Variants in ANO3 observed in about 807,000 individuals in gnomAD.
ANO3 encodes the protein anoctamin 3, also known as anoctamin-3.
A neutral mutation model predicts 144.8 loss-of-function variants in ANO3; 99 were observed. The observed-to-expected ratio is 0.68, with a 90% confidence interval of 0.58 to 0.81. The LOEUF (loss-of-function observed/expected upper bound fraction) is 0.81, where lower values mean the gene tolerates loss of function less well. ANO3 is among the 30% of genes least tolerant of loss of function. The probability of loss-of-function intolerance (pLI) is 0.00; values close to 1 mark genes in which losing one functional copy is unlikely to be tolerated. For missense variants in ANO3, 905 were observed against 1,202.2 expected (o/e 0.75, Z 3.66); for synonymous variants, 414 against 392.6 (o/e 1.05, Z -0.64).
chr11:26,554,569 T>C (rs1271740864), intron 13 of ANO3, among the ~76,000 whole-genome samples: 1 of 152,148 alleles, frequency 6.6e-6, no homozygotes, highest in East Asian at 1.9e-4. Context: ...GAATTCCAGT[T>C]TTCTGTGTAG....
At chr11:26,229,163 T>C (rs1852331185) in intron 1 of ANO3, among the ~76,000 whole-genome samples, 1 of 152,198 alleles carries the variant, frequency 6.6e-6, no homozygotes, top group Non-Finnish European at 1.5e-5. Context: ...ACATTTCTGA[T>C]AAGTCACTTC....
intron 1 of ANO3, among the ~76,000 whole-genome samples, chr11:26,194,488 A>ATTAT (rs1196375918): frequency 2.2e-3 from 51 of 23,480 alleles, no homozygotes; most frequent in South Asian, 2.8e-3. Context: ...GTGTGTGTGT[A>ATTAT]TTATTTATTT....
chr11:26,249,153 G>C (rs1852868337), intron 1 of ANO3, among the ~76,000 whole-genome samples: 1 of 152,140 alleles, frequency 6.6e-6, no homozygotes, highest in Non-Finnish European at 1.5e-5. Flanking sequence ...TTTTGTAATG[G>C]AGACTGATTG....
intron 18 of ANO3, among the ~76,000 whole-genome samples, chr11:26,628,937 A>C (rs1043615186): frequency 2.6e-5 from 4 of 152,164 alleles, no homozygotes; most frequent in African/African-American, 9.7e-5. Context: ...TTACATGTCA[A>C]CTGGCTTCCA....
intron 1 of ANO3, among the ~76,000 whole-genome samples, chr11:26,339,403 C>G (rs898401128): frequency 6.6e-6 from 1 of 152,172 alleles, no homozygotes; most frequent in Non-Finnish European, 1.5e-5. Flanking sequence ...ATCCGCCTGC[C>G]TGGGCTTCCC....
intron 13 of ANO3, chr11:26,559,052 T>G (rs893196212): frequency 6.6e-6 from 1 of 152,194 alleles, no homozygotes; most frequent in Non-Finnish European, 1.5e-5. Flanking sequence ...TTATACTTTA[T>G]TAAAATCAAA....
At position 26,349,710 on chromosome 11, in the gene ANO3, G is replaced by A. The variant is rs188024478; in HGVS notation, c.46+17389G>A. 1.5e-4 allele frequency among the ~76,000 whole-genome samples: 23 copies of A among 152,018 alleles called. No individual in the cohort carries two copies. In the East Asian group the frequency reaches 4.1e-3, roughly 27 times the overall value. On this transcript the variant is annotated intron_variant, in intron 1 of 26. Coordinates refer to ENST00000256737, the MANE Select transcript of ANO3 (RefSeq NM_031418.4). The stretch of plus-strand genomic sequence containing the variant: ...ACCTCAGGCGCCCGCCACCGAGCCC[G>A]GCTAATTTTTTGTATTTTTAGTAGA...
chr11:26,380,623 T>A (rs1238902210), intron 1 of ANO3, among the ~76,000 whole-genome samples: 1 of 152,166 alleles, frequency 6.6e-6, no homozygotes, highest in Non-Finnish European at 1.5e-5. Context: ...TACATCTTAA[T>A]ACCATTGCCT....
intron 1 of ANO3, among the ~76,000 whole-genome samples, chr11:26,202,227 A>G (rs1370693235): frequency 6.9e-6 from 1 of 145,272 alleles, no homozygotes; most frequent in Non-Finnish European, 1.5e-5. Flanking sequence ...TTCCTTTTAT[A>G]TTTATATATA....
At chr11:26,466,634 C>CAG in intron 4 of ANO3, among the ~76,000 whole-genome samples, 1 of 151,966 alleles carries the variant, frequency 6.6e-6, no homozygotes, top group East Asian at 2.0e-4. Flanking sequence ...CCAAATGAGG[C>CAG]AGAGAGAGAT....
At chr11:26,407,070 G>GTATATATA (rs202060948) in intron 1 of ANO3, among the ~76,000 whole-genome samples, 2,108 of 101,144 alleles carry the variant, frequency 0.021, 29 homozygotes, top group Admixed American at 0.033. Context: ...GTGTGTGTGT[G>GTATATATA]TGTGTGTATA....
At chr11:26,259,162 G>A (rs1381267591) in intron 1 of ANO3, among the ~76,000 whole-genome samples, 1 of 152,100 alleles carries the variant, frequency 6.6e-6, no homozygotes, top group Non-Finnish European at 1.5e-5. Context: ...ATTTTATATG[G>A]CTCTTGAGGG....
At chr11:26,490,488 A>G (rs1860660665) in intron 4 of ANO3, among the ~76,000 whole-genome samples, 1 of 152,242 alleles carries the variant, frequency 6.6e-6, no homozygotes. Context: ...TTTGTGGTAT[A>G]AACTGTGCTT....
chr11:26,281,537 C>T (rs1459572150), intron 1 of ANO3, among the ~76,000 whole-genome samples: 2 of 152,120 alleles, frequency 1.3e-5, no homozygotes, highest in African/African-American at 4.8e-5. Context: ...AAAGACTCTT[C>T]TCATCTGAGT....
At chr11:26,516,967 T>C (rs1861887556) in intron 6 of ANO3, 40 bp downstream of exon 6, 1 of 1,237,598 alleles carries the variant, frequency 8.1e-7, no homozygotes, top group African/African-American at 1.5e-5. Flanking sequence ...CAATATATAT[T>C]AAAATGAGTC....
At chr11:26,425,366 A>G (rs931503475) in intron 1 of ANO3, among the ~76,000 whole-genome samples, 1 of 152,170 alleles carries the variant, frequency 6.6e-6, no homozygotes, top group East Asian at 1.9e-4. Flanking sequence ...ATTTGCCTCA[A>G]AGGGCTTGCA....
chr11:26,233,905 A>C (rs1852457412), intron 1 of ANO3, among the ~76,000 whole-genome samples: 2 of 152,148 alleles, frequency 1.3e-5, no homozygotes, highest in African/African-American at 4.8e-5. Context: ...GAACACATGG[A>C]CACAGGGAGG....
At chr11:26,642,916 C>T (rs1028648743) in intron 22 of ANO3, among the ~76,000 whole-genome samples, 1 of 151,966 alleles carries the variant, frequency 6.6e-6, no homozygotes, top group Non-Finnish European at 1.5e-5. Flanking sequence ...CTCTCTCCTT[C>T]GTGCTGCATT....
chr11:26,318,345 T>C (rs1854676979), intron 1 of ANO3, among the ~76,000 whole-genome samples: 1 of 152,166 alleles, frequency 6.6e-6, no homozygotes, highest in African/African-American at 2.4e-5. Flanking sequence ...GCACATTCCA[T>C]AGCAATTAAC....
Sources: gnomAD v4.1 joint callset for allele counts (sites outside exome capture counted in the v4.1 genomes callset) on GRCh38, gnomAD v4.1.1 for gene constraint, MANE v1.5 for transcripts, NCBI Gene and HGNC (gene_info 2026-07-23, HGNC 2026-07-21) for gene names.